The following ADGRB3 variants were observed in gnomAD, a reference collection of about 807,000 sequenced individuals.
ADGRB3 encodes brain-specific angiogenesis inhibitor 3.
Under a neutral mutation model 193.4 loss-of-function variants are expected in ADGRB3, and 37 were observed. The observed-to-expected ratio is 0.19, with a 90% confidence interval of 0.15 to 0.25. ADGRB3 has a LOEUF of 0.25. ADGRB3 is among the 10% of genes least tolerant of loss of function. ADGRB3 has a pLI of 1.00. For missense variants in ADGRB3, 1,637 were observed against 1,852.9 expected, an observed-to-expected ratio of 0.88 and a Z score of 2.14; for synonymous variants, 690 against 644.2, an observed-to-expected ratio of 1.07 and a Z score of -1.08.
chr6:69,013,453 A>C (rs1471355387), intron 11 of ADGRB3, among the ~76,000 whole-genome samples: 1 of 152,086 alleles, frequency 6.6e-6, no homozygotes, highest in East Asian at 1.9e-4. Context: ...AAGAGTAATA[A>C]TTTGAAAACC....
intron 13 of ADGRB3, among the ~76,000 whole-genome samples, chr6:69,026,137 G>C (rs1391176726): frequency 6.6e-6 from 1 of 152,180 alleles, no homozygotes; most frequent in Non-Finnish European, 1.5e-5. Flanking sequence ...TTGCTCTCAT[G>C]GAATTTATGT....
chr6:68,887,248 C>A (rs2150227460), intron 3 of ADGRB3, among the ~76,000 whole-genome samples: 1 of 152,038 alleles, frequency 6.6e-6, no homozygotes, highest in Middle Eastern at 3.4e-3. Context: ...ATGTAAACAC[C>A]CATCCCCTCA....
intron 16 of ADGRB3, among the ~76,000 whole-genome samples, chr6:69,075,322 T>G (rs1772197238): frequency 6.6e-6 from 1 of 152,182 alleles, no homozygotes. Context: ...ACATTAGAAC[T>G]CTTCAAAACA....
intron 20 of ADGRB3, among the ~76,000 whole-genome samples, chr6:69,308,951 C>T (rs1768122735): frequency 6.6e-6 from 1 of 151,608 alleles, no homozygotes; most frequent in Non-Finnish European, 1.5e-5. Context: ...GTTGGGAAAT[C>T]CATTCTTTAT....
At chr6:69,014,856 A>G (rs1485048098) in intron 12 of ADGRB3, among the ~76,000 whole-genome samples, 2 of 151,934 alleles carry the variant, frequency 1.3e-5, no homozygotes, top group East Asian at 1.9e-4. Context: ...AAAAAAAAGA[A>G]TGAACATTTA....
chr6:68,958,898 T>A (rs1768156001), intron 8 of ADGRB3, among the ~76,000 whole-genome samples: 1 of 151,936 alleles, frequency 6.6e-6, no homozygotes, highest in East Asian at 1.9e-4. Flanking sequence ...TGTGTGTGTG[T>A]GTGTGTGTGT....
intron 8 of ADGRB3, among the ~76,000 whole-genome samples, chr6:68,968,777 TCTC>T (rs1271270385): frequency 6.6e-6 from 1 of 152,184 alleles, no homozygotes; most frequent in Non-Finnish European, 1.5e-5. Flanking sequence ...TTGTCCTAAT[TCTC>T]CTTCTTTTAG....
At chr6:68,961,870 A>G (rs1423676452) in intron 8 of ADGRB3, among the ~76,000 whole-genome samples, 1 of 152,188 alleles carries the variant, frequency 6.6e-6, no homozygotes, top group Non-Finnish European at 1.5e-5. Context: ...AGTACTTTTT[A>G]AAGCTCCTAT....
At chr6:69,240,773 A>C (rs908678635) in intron 20 of ADGRB3, among the ~76,000 whole-genome samples, 1 of 151,964 alleles carries the variant, frequency 6.6e-6, no homozygotes, top group Non-Finnish European at 1.5e-5. Context: ...TTGCTTGTTC[A>C]CTTGGGCTGG....
At chr6:68,979,808 C>T (rs1310032336) in intron 10 of ADGRB3, among the ~76,000 whole-genome samples, 4 of 151,326 alleles carry the variant, frequency 2.6e-5, no homozygotes, top group African/African-American at 7.3e-5. Context: ...CTTATTTTGT[C>T]TTTGGTATAT....
At position 69,209,055 on chromosome 6, in the gene ADGRB3, G is replaced by A. The variant is rs542900110; in HGVS notation, c.2481-24235G>A. The stretch of plus-strand genomic sequence containing the variant: ...GGCCTCCACTGTGATTTACCTATGA[G>A]GTCCTGCCAAAGGCTCCAAACAGCA... On this transcript the variant is annotated intron_variant, in intron 17 of 31. Transcript: ENST00000370598. Among the ~76,000 whole-genome samples, 5 of 152,270 alleles carry A rather than the reference G, an allele frequency of 3.3e-5. No individual in the cohort carries two copies. In the South Asian group the frequency reaches 1.0e-3, roughly 32 times the overall value.
intron 8 of ADGRB3, among the ~76,000 whole-genome samples, chr6:68,960,189 A>G (rs867579333): frequency 2.0e-5 from 3 of 152,282 alleles, no homozygotes; most frequent in Middle Eastern, 6.8e-3. Flanking sequence ...CCTACCATTT[A>G]CAAGTAAAAA....
chr6:68,720,771 A>G (rs957117802), intron 3 of ADGRB3, among the ~76,000 whole-genome samples: 11 of 151,758 alleles, frequency 7.2e-5, no homozygotes, highest in Non-Finnish European at 1.5e-4. Flanking sequence ...TATGGGAAAC[A>G]CTCGCCTGAC....
At chr6:69,218,638 CTTGACTTTCTATAG>C (rs1277658118) in intron 17 of ADGRB3, among the ~76,000 whole-genome samples, 1 of 152,060 alleles carries the variant, frequency 6.6e-6, no homozygotes, top group East Asian at 1.9e-4. Flanking sequence ...GTTCTTTGTG[CTTGACTTTCTATAG>C]AGAATCTGTT....
chr6:68,952,355 G>A (rs186369858), intron 6 of ADGRB3, among the ~76,000 whole-genome samples: 222 of 151,934 alleles, frequency 1.5e-3, no homozygotes, highest in Middle Eastern at 0.01. Context: ...ATATATGTAT[G>A]TGTGTGTATA....
At chr6:68,818,745 G>T (rs959079472) in intron 3 of ADGRB3, among the ~76,000 whole-genome samples, 1 of 151,994 alleles carries the variant, frequency 6.6e-6, no homozygotes, top group Admixed American at 6.6e-5. Context: ...TAGTCCCAAA[G>T]AAATGTTATT....
At chr6:69,281,109 T>C (rs1767425667) in intron 20 of ADGRB3, among the ~76,000 whole-genome samples, 1 of 152,134 alleles carries the variant, frequency 6.6e-6, no homozygotes, top group Admixed American at 6.5e-5. Flanking sequence ...CCACAGACCA[T>C]AGAACAACTT....
intron 17 of ADGRB3, among the ~76,000 whole-genome samples, chr6:69,118,401 T>C (rs1582473979): frequency 6.6e-6 from 1 of 152,100 alleles, no homozygotes; most frequent in East Asian, 1.9e-4. Context: ...ATATTCCTTT[T>C]AGAATCAAGA....
At chr6:69,190,300 G>A (rs527888399) in intron 17 of ADGRB3, among the ~76,000 whole-genome samples, 1 of 152,172 alleles carries the variant, frequency 6.6e-6, no homozygotes, top group African/African-American at 2.4e-5. Context: ...GGAGGTGGAA[G>A]GCAGTAATAC....
Sources: allele counts gnomAD v4.1 joint callset (sites outside exome capture counted in the v4.1 genomes callset), GRCh38; gene constraint gnomAD v4.1.1; transcripts MANE v1.5; gene names NCBI Gene and HGNC (gene_info 2026-07-23, HGNC 2026-07-21).